Variants in CTNNA3 observed in about 807,000 individuals in gnomAD.
CTNNA3 encodes the protein catenin alpha-3.
A neutral mutation model predicts 95.7 loss-of-function variants in CTNNA3; 76 were observed. The observed-to-expected ratio is 0.79, with a 90% confidence interval of 0.66 to 0.96. The LOEUF (loss-of-function observed/expected upper bound fraction) is 0.96, where lower values mean the gene tolerates loss of function less well. Ranked by LOEUF, CTNNA3 falls within the 40% of genes least tolerant of loss-of-function variation. CTNNA3 has a pLI of 0.00. For missense variants in CTNNA3, 1,191 were observed against 1,089.8 expected (o/e 1.09, Z -1.31); for synonymous variants, 431 against 374.4 (o/e 1.15, Z -1.74).
intron 10 of CTNNA3, among the ~76,000 whole-genome samples, chr10:66,567,472 A>G (rs113837719): frequency 0.01 from 1,596 of 152,098 alleles, 33 homozygotes; most frequent in African/African-American, 0.037. Flanking sequence ...TAAGATAATT[A>G]GCTGGGCATG....
chr10:66,457,272 C>T (rs1430366925), intron 11 of CTNNA3, among the ~76,000 whole-genome samples: 1 of 151,980 alleles, frequency 6.6e-6, no homozygotes, highest in Non-Finnish European at 1.5e-5. Context: ...AAAAGCTAAA[C>T]TTCAAAATTG....
intron 5 of CTNNA3, among the ~76,000 whole-genome samples, chr10:67,468,921 C>T (rs1261886606): frequency 6.6e-6 from 1 of 152,124 alleles, no homozygotes; most frequent in African/African-American, 2.4e-5. Context: ...ACAATCACTT[C>T]TCCTATTTTT....
intron 7 of CTNNA3, among the ~76,000 whole-genome samples, chr10:67,144,652 C>G (rs1412659793): frequency 6.6e-6 from 1 of 152,168 alleles, no homozygotes; most frequent in Non-Finnish European, 1.5e-5. Flanking sequence ...TCTTGGGCAG[C>G]TTCCTTATCT....
intron 12 of CTNNA3, among the ~76,000 whole-genome samples, chr10:66,297,814 C>A (rs1361742127): frequency 6.6e-6 from 1 of 152,168 alleles, no homozygotes; most frequent in Non-Finnish European, 1.5e-5. Context: ...GGGTCTCATC[C>A]AACCTCCTGC....
chr10:67,258,985 T>G (rs1276366833), intron 5 of CTNNA3, among the ~76,000 whole-genome samples: 1 of 152,204 alleles, frequency 6.6e-6, no homozygotes, highest in Non-Finnish European at 1.5e-5. Flanking sequence ...ACATAATACC[T>G]AATATAATGT....
At chr10:67,044,093 T>A (rs1047025534) in intron 7 of CTNNA3, among the ~76,000 whole-genome samples, 1 of 151,780 alleles carries the variant, frequency 6.6e-6, no homozygotes, top group African/African-American at 2.4e-5. Context: ...CCTTCCCTCC[T>A]CCCTCTTTCC....
chr10:67,431,644 G>A (rs1378918162), intron 5 of CTNNA3, among the ~76,000 whole-genome samples: 1 of 151,866 alleles, frequency 6.6e-6, no homozygotes, highest in East Asian at 1.9e-4. Flanking sequence ...ACCCAAAATG[G>A]ACTCTGGGGT....
chr10:67,116,883 C>G (rs1859218101), intron 7 of CTNNA3, among the ~76,000 whole-genome samples: 1 of 151,384 alleles, frequency 6.6e-6, no homozygotes, highest in Non-Finnish European at 1.5e-5. Context: ...ATTGTTGAGT[C>G]TACTAAACAG....
intron 10 of CTNNA3, among the ~76,000 whole-genome samples, chr10:66,612,364 T>C (rs1844358343): frequency 1.3e-5 from 2 of 152,288 alleles, no homozygotes; most frequent in South Asian, 4.1e-4. Context: ...GTCACTCTCC[T>C]ACTCAAAACC....
At chr10:66,884,097 C>A (rs1844948391) in intron 7 of CTNNA3, among the ~76,000 whole-genome samples, 1 of 151,900 alleles carries the variant, frequency 6.6e-6, no homozygotes, top group Non-Finnish European at 1.5e-5. Flanking sequence ...GTGCCAGGCT[C>A]TTTTTAACAA....
chr10:66,572,211 C>T (rs151135149), intron 10 of CTNNA3, among the ~76,000 whole-genome samples: 3,436 of 151,778 alleles, frequency 0.023, 75 homozygotes, highest in East Asian at 0.049. Flanking sequence ...GGTGAAACCC[C>T]GTCTCTACTA....
intron 13 of CTNNA3, among the ~76,000 whole-genome samples, chr10:66,188,595 CTG>C (rs71035114): frequency 0.023 from 2,759 of 120,976 alleles, 84 homozygotes; most frequent in African/African-American, 0.078. Context: ...GGGGGGGTCT[CTG>C]TGTGTGTGTG....
intron 11 of CTNNA3, among the ~76,000 whole-genome samples, chr10:66,410,741 C>T (rs1462272383): frequency 6.6e-6 from 1 of 152,152 alleles, no homozygotes; most frequent in Non-Finnish European, 1.5e-5. Context: ...CATCTTTTGC[C>T]TACTTCTCCC....
At chr10:66,171,747 C>T (rs1389558571) in intron 13 of CTNNA3, among the ~76,000 whole-genome samples, 1 of 151,932 alleles carries the variant, frequency 6.6e-6, no homozygotes. Flanking sequence ...TTAGCTGAAA[C>T]TTGGAGCCAT....
chr10:66,045,526 G>T (rs969201943), intron 15 of CTNNA3, among the ~76,000 whole-genome samples: 15 of 151,962 alleles, frequency 9.9e-5, no homozygotes, highest in Admixed American at 8.5e-4. Flanking sequence ...CTTTGATTTT[G>T]GTATCTCTAG....
At chr10:67,746,007 AT>A (rs902518260) in intron 1 of CTNNA3, among the ~76,000 whole-genome samples, 1 of 152,182 alleles carries the variant, frequency 6.6e-6, no homozygotes, top group African/African-American at 2.4e-5. Flanking sequence ...GCACCAAGCA[AT>A]TTACAGATTC....
chr10:65,983,200 G>A (rs2078360390), intron 16 of CTNNA3, among the ~76,000 whole-genome samples: 1 of 151,614 alleles, frequency 6.6e-6, no homozygotes, highest in Non-Finnish European at 1.5e-5. Flanking sequence ...CCAGTTATTA[G>A]CCTTAATATC....
At chr10:66,047,906 A>T (rs1340583151) in intron 15 of CTNNA3, among the ~76,000 whole-genome samples, 1 of 152,172 alleles carries the variant, frequency 6.6e-6, no homozygotes, top group Non-Finnish European at 1.5e-5. Flanking sequence ...ATACCTAGGA[A>T]TACAGCTAAC....
At chr10:67,342,529 G>T (rs1025018589) in intron 5 of CTNNA3, among the ~76,000 whole-genome samples, 5 of 152,136 alleles carry the variant, frequency 3.3e-5, no homozygotes, top group Non-Finnish European at 7.4e-5. Flanking sequence ...CAATGTCCTG[G>T]AGATTTTCTC....
Sources: allele counts gnomAD v4.1 joint callset (sites outside exome capture counted in the v4.1 genomes callset), GRCh38; gene constraint gnomAD v4.1.1; transcripts MANE v1.5; gene names NCBI Gene and HGNC (gene_info 2026-07-23, HGNC 2026-07-21).